CEP120: variants seen among roughly 807,000 people sequenced by gnomAD.
The protein encoded by CEP120 is centrosomal protein 120, also known as centrosomal protein of 120 kDa.
A neutral mutation model predicts 126.5 loss-of-function variants in CEP120; 113 were observed. The ratio of observed to expected loss-of-function variants is 0.89; its 90% confidence interval spans 0.77 to 1.04. The LOEUF (loss-of-function observed/expected upper bound fraction) is 1.04, where lower values mean the gene tolerates loss of function less well. Ranked by LOEUF, CEP120 falls within the 50% of genes least tolerant of loss-of-function variation. CEP120 has a pLI of 0.00. For synonymous variants in CEP120, 400 were observed against 394.3 expected, an observed-to-expected ratio of 1.01 and a Z score of -0.17; for missense variants, 1,230 against 1,155.7, an observed-to-expected ratio of 1.06 and a Z score of -0.93.
intron 18 of CEP120, among the ~76,000 whole-genome samples, chr5:123,355,031 C>T (rs966479477): frequency 1.4e-4 from 21 of 150,776 alleles, no homozygotes; most frequent in African/African-American, 3.2e-4. Context: ...TGAGAACATG[C>T]GGTGTTTGGT....
chr5:123,378,829 C>T (rs773736622), intron 14 of CEP120, among the ~76,000 whole-genome samples: 3 of 151,648 alleles, frequency 2.0e-5, no homozygotes, highest in Non-Finnish European at 2.9e-5. Context: ...GATGGGGGTG[C>T]GTGTGGTGGG....
At chr5:123,367,426 GTA>G (rs1770543956) in intron 17 of CEP120, among the ~76,000 whole-genome samples, 1 of 151,656 alleles carries the variant, frequency 6.6e-6, no homozygotes. Context: ...ATGTATGTAT[GTA>G]TATATATCCC....
At chr5:123,391,902 G>A (rs577638167) in intron 6 of CEP120, among the ~76,000 whole-genome samples, 1 of 151,816 alleles carries the variant, frequency 6.6e-6, no homozygotes, top group South Asian at 2.1e-4. Context: ...CTCTGGAGTG[G>A]AGTATACTGT....
intron 17 of CEP120, 93 bp downstream of exon 17, chr5:123,372,557 A>G (rs1266646319): frequency 7.8e-7 from 1 of 1,285,102 alleles, no homozygotes; most frequent in African/African-American, 1.5e-5. Flanking sequence ...AGAACACTAC[A>G]GCAAAACATT....
rs751634657 is a variant in CEP120 at position 123,412,410 on chromosome 5, C to T, written c.452G>A (p.Arg151Gln). The change falls in exon 4 of 20, where the codon CGA becomes CAA. Residue 151 changes from arginine to glutamine, a missense_variant. Arg to Gln is a conservative substitution (Grantham distance 43, BLOSUM62 1). Transcript: ENST00000306467. ...GATGATGCACAAACCTTTTCCATCT[C>T]GAGGGGGAGCCCCCTTTGCTTTAAA... ...DSFKAKGAPP[R>Q]DGKVPAILAG... 2.0e-5 allele frequency: 32 copies of T among 1,599,716 alleles called. No homozygotes were observed. The East Asian group carries it at 4.5e-4, about 22-fold the overall frequency.
At chr5:123,390,368 A>G (rs1772313330) in intron 7 of CEP120, 1 of 595,194 alleles carries the variant, frequency 1.7e-6, no homozygotes, top group Non-Finnish European at 3.1e-6. Flanking sequence ...AATGCATCCT[A>G]ATGGGTAAGA....
At chr5:123,403,734 G>C in intron 4 of CEP120, 1 of 423,438 alleles carries the variant, frequency 2.4e-6, no homozygotes, top group Non-Finnish European at 4.6e-6. Context: ...TCTGTTCGAT[G>C]ATATTTCTGC....
chr5:123,385,880 CAGGTG>C (rs1771985748), intron 10 of CEP120, among the ~76,000 whole-genome samples: 1 of 152,166 alleles, frequency 6.6e-6, no homozygotes, highest in Admixed American at 6.6e-5. Flanking sequence ...GCTGGGATTA[CAGGTG>C]TAAGTCACCA....
rs112015324 is a variant in CEP120 at position 123,362,661 on chromosome 5, A to C, written c.2580+1835T>G. 6.1e-3 allele frequency among the ~76,000 whole-genome samples: 932 copies of C among 151,838 alleles called. 7 individuals carry two copies. The highest frequency in any genetic ancestry group is 0.021 in the African/African-American group (869 of 41,512). On this transcript the variant is annotated intron_variant, in intron 18 of 19. Coordinates refer to ENST00000306467, the MANE Select transcript of CEP120 (RefSeq NM_001375405.1). ...TTCCAGACATGCTAATTGCTCTAAC[A>C]GTATCATCATAGTGATCTTCACATT...
intron 18 of CEP120, among the ~76,000 whole-genome samples, chr5:123,355,272 A>G (rs1170362853): frequency 6.6e-6 from 1 of 152,198 alleles, no homozygotes; most frequent in Non-Finnish European, 1.5e-5. Flanking sequence ...TTATAGCAGC[A>G]TGATTTATAA....
At chr5:123,375,999 T>A (rs1238802148) in intron 16 of CEP120, among the ~76,000 whole-genome samples, 2 of 151,988 alleles carry the variant, frequency 1.3e-5, no homozygotes, top group African/African-American at 4.8e-5. Flanking sequence ...GATTCTTTTT[T>A]TTTTTTTAGC....
At chr5:123,374,462 A>T (rs2127026405) in intron 16 of CEP120, among the ~76,000 whole-genome samples, 1 of 152,190 alleles carries the variant, frequency 6.6e-6, no homozygotes, top group South Asian at 2.1e-4. Flanking sequence ...AGGTACGAAG[A>T]TGTTCTTTTT....
At position 123,391,087 on chromosome 5, in the gene CEP120, A is replaced by G. The variant is rs760173080; in HGVS notation, c.1038+23T>C. On this transcript the variant is annotated intron_variant, in intron 7 of 19. Coordinates refer to ENST00000306467, the MANE Select transcript of CEP120 (RefSeq NM_001375405.1). ...TGCATGGGACTAGTGAAGCCAGGGG[A>G]ATGAAGGAGGGCCACTACTTGCCTG... is the stretch of plus-strand genomic sequence containing the variant. The G allele has an allele frequency of 3.1e-5, 48 of 1,570,188 alleles. No individual in the cohort carries two copies. The South Asian group carries it at 5.4e-4, about 18-fold the overall frequency.
chr5:123,350,030 C>T lies in CEP120; in HGVS notation c.2640G>A (p.Met880Ile), dbSNP rs1225858943. The change falls in exon 19 of 20, where the codon ATG becomes ATA. Residue 880 changes from methionine (M) to isoleucine (I), a missense_variant. By Grantham distance (10) the Met-to-Ile change is conservative. Transcript: ENST00000306467. ...CCTCAGCGGCAAGGTAACGTAGTCT[C>T]ATCTGTTCCAATTCTTCCTGCTGTT... ...LKKQQEELEQ[M>I]RLRYLAAEEK... is the part of the protein sequence containing the mutation. The T allele has an allele frequency of 1.2e-6, 2 of 1,613,546 alleles. No homozygotes were observed. The highest frequency in any genetic ancestry group is 1.7e-6 in the Non-Finnish European group (2 of 1,179,836).
At chr5:123,394,014 T>G (rs76632790) in intron 5 of CEP120, among the ~76,000 whole-genome samples, 4,148 of 152,284 alleles carry the variant, frequency 0.027, 191 homozygotes, top group African/African-American at 0.093. Flanking sequence ...AAAAAATACC[T>G]TTTGTACTAT....
Position 123,409,130 on chromosome 5 carries a change from A to C in CEP120, c.463+3269T>G, listed in dbSNP as rs147659179. 2.3e-3 allele frequency among the ~76,000 whole-genome samples: 352 copies of C among 152,322 alleles called. 3 individuals carry two copies. Among genetic ancestry groups the C allele is most frequent in the African/African-American group, 8.1e-3 (337 of 41,570 alleles). ...TGCAAGTCTGGTTCAACATTCAAAA[A>C]TCAATTAATGTAATCCATCACATCA... On this transcript the variant is annotated intron_variant, in intron 4 of 19. Transcript: ENST00000306467.
intron 16 of CEP120, among the ~76,000 whole-genome samples, chr5:123,376,952 G>A (rs1260456451): frequency 6.6e-6 from 1 of 152,056 alleles, no homozygotes; most frequent in Non-Finnish European, 1.5e-5. Flanking sequence ...GTGGTGATGT[G>A]GAAGTTGAGA....
At position 123,422,992 on chromosome 5, in the gene CEP120, A is replaced by T. The variant is rs1437525882; in HGVS notation, c.7T>A (p.Ser3Thr). The T allele has an allele frequency of 6.2e-7, 1 of 1,614,092 alleles. No homozygotes were observed. Among genetic ancestry groups the T allele is most frequent in the Non-Finnish European group, 8.5e-7 (1 of 1,179,974 alleles). The change falls in exon 1 of 20, where the codon TCC (serine) becomes ACC (threonine). Residue 3 changes from serine (S) to threonine (T), a missense_variant. Ser to Thr is a moderately conservative substitution (Grantham distance 58). Coordinates refer to ENST00000306467, the MANE Select transcript of CEP120 (RefSeq NM_001375405.1). MV[S>T]KSDQLLIVVS... Reference sequence around the variant, plus strand: ...ACGATGAGCAATTGGTCGGATTTGGAGACCATGGTTGCGGTGAGCGGTCCG... The same window carrying T: ...ACGATGAGCAATTGGTCGGATTTGGTGACCATGGTTGCGGTGAGCGGTCCG...
intron 18 of CEP120, among the ~76,000 whole-genome samples, chr5:123,354,480 G>A (rs1769421653): frequency 6.6e-6 from 1 of 151,950 alleles, no homozygotes; most frequent in Non-Finnish European, 1.5e-5. Flanking sequence ...CAGTTCTCAG[G>A]AGAGTTATGG....
Sources: allele counts gnomAD v4.1 joint callset (sites outside exome capture counted in the v4.1 genomes callset), GRCh38; gene constraint gnomAD v4.1.1; transcripts MANE v1.5; gene names NCBI Gene and HGNC (gene_info 2026-07-23, HGNC 2026-07-21).